ZWILCH: variants seen among roughly 807,000 people sequenced by gnomAD.
The protein encoded by ZWILCH is zwilch kinetochore protein.
ZWILCH carries 74 observed loss-of-function variants against 79.9 expected under a neutral mutation model. The observed-to-expected ratio is 0.93, with a 90% CI of 0.77 to 1.12. The LOEUF is 1.12. Among genes scored for constraint, ZWILCH ranks in the 50% most tolerant of loss-of-function variants. ZWILCH has a pLI of 0.00. For missense variants in ZWILCH, 694 were observed against 687.5 expected, an observed-to-expected ratio of 1.01 and a Z score of -0.11; for synonymous variants, 241 against 228.2, an observed-to-expected ratio of 1.06 and a Z score of -0.51.
At position 66,533,445 on chromosome 15, in the gene ZWILCH, G is replaced by A. The variant is rs117906504; in HGVS notation, c.1341+432G>A. Among the ~76,000 whole-genome samples the A allele has an allele frequency of 8.6e-3, 1,311 of 152,102 alleles. 7 individuals are homozygous for A. The highest frequency in any genetic ancestry group is 0.014 in the Middle Eastern group (4 of 294). On this transcript the variant is annotated intron_variant, in intron 14 of 18. Transcript: ENST00000307897. ...CAGGGTCATCGTTATGAACTTTGTT[G>A]TATTTTCCTAGCCCATTCAGAAACT... is the stretch of plus-strand genomic sequence containing the variant.
At chr15:66,519,614 C>T (rs34685455) in intron 5 of ZWILCH, among the ~76,000 whole-genome samples, 10,466 of 151,910 alleles carry the variant, frequency 0.069, 413 homozygotes, top group Middle Eastern at 0.11. Context: ...CCACCACGCC[C>T]GGCTAATTTT....
intron 8 of ZWILCH, among the ~76,000 whole-genome samples, chr15:66,525,324 A>G (rs1254821775): frequency 6.6e-6 from 1 of 152,226 alleles, no homozygotes; most frequent in Non-Finnish European, 1.5e-5. Context: ...GCACAAGTTC[A>G]TTTAAATGTG....
chr15:66,538,543 C>G (rs762713383), intron 16 of ZWILCH, among the ~76,000 whole-genome samples: 1 of 152,132 alleles, frequency 6.6e-6, no homozygotes, highest in South Asian at 2.1e-4. Context: ...CCACCACACC[C>G]GGCTAATTTT....
At chr15:66,505,553 G>C (rs1449049617) in intron 1 of ZWILCH, 162 bp downstream of exon 1, 1 of 738,014 alleles carries the variant, frequency 1.4e-6, no homozygotes, top group Non-Finnish European at 2.2e-6. Context: ...GCTCCGGTGT[G>C]GGGTTGACCG....
intron 14 of ZWILCH, among the ~76,000 whole-genome samples, chr15:66,535,414 G>A (rs527517198): frequency 4.6e-5 from 7 of 152,122 alleles, no homozygotes; most frequent in Non-Finnish European, 8.8e-5. Flanking sequence ...GGTGGTTTAC[G>A]CCTGTAATCC....
chr15:66,520,857 AAG>A (rs1230803341), intron 6 of ZWILCH, among the ~76,000 whole-genome samples, 191 bp from the exon 7 acceptor site: 6 of 152,204 alleles, frequency 3.9e-5, no homozygotes, highest in African/African-American at 1.4e-4. Flanking sequence ...TGTGGTTTCA[AAG>A]AATTGTCTTA....
chr15:66,514,224 C>T (rs965375942), intron 3 of ZWILCH, 141 bp downstream of exon 3: 10 of 486,750 alleles, frequency 2.1e-5, no homozygotes, highest in Admixed American at 3.8e-5. Context: ...GTAGTGCTGT[C>T]CAGTACAAAT....
chr15:66,532,867 T>A, intron 13 of ZWILCH, 118 bp from the exon 14 acceptor site: 1 of 691,004 alleles, frequency 1.4e-6, no homozygotes. Flanking sequence ...TTTATATAGA[T>A]TCCTTAATAT....
chr15:66,540,006 T>C, intron 16 of ZWILCH, 92 bp from the exon 17 acceptor site: 1 of 798,988 alleles, frequency 1.3e-6, no homozygotes, highest in Non-Finnish European at 2.0e-6. Flanking sequence ...TCAGTGCTTA[T>C]CACATGAAGA....
At chr15:66,512,144 T>C (rs1050945672) in intron 2 of ZWILCH, among the ~76,000 whole-genome samples, 5 of 152,190 alleles carry the variant, frequency 3.3e-5, no homozygotes, top group African/African-American at 1.2e-4. Flanking sequence ...AGAGCTGTGG[T>C]ACTAGACTGC....
At chr15:66,516,884 C>T (rs898205310) in intron 4 of ZWILCH, among the ~76,000 whole-genome samples, 2 of 152,096 alleles carry the variant, frequency 1.3e-5, no homozygotes, top group African/African-American at 2.4e-5. Context: ...TTTCTCCCTA[C>T]GACTTAAATG....
chr15:66,540,586 A>T (rs1366034490), intron 17 of ZWILCH, among the ~76,000 whole-genome samples: 1 of 151,112 alleles, frequency 6.6e-6, no homozygotes, highest in Non-Finnish European at 1.5e-5. Context: ...ACTAAATCTT[A>T]CTGGAATGGA....
At position 66,519,073 on chromosome 15, in the gene ZWILCH, G is replaced by A. The variant is rs139933771; in HGVS notation, c.515G>A (p.Cys172Tyr). The A allele has an allele frequency of 6.4e-4, 1,035 of 1,613,866 alleles. No individual in the cohort carries two copies. The highest frequency in any genetic ancestry group is 8.1e-4 in the Non-Finnish European group (957 of 1,179,734). ...GGAATTGTCTTATATGTGGTCAGTT[G>A]TAAAGGTGAGTGCTCTCTCTAGAGA... is the stretch of plus-strand genomic sequence containing the variant. ...ITGIVLYVVS[C>Y]KADKNYSVNL... The change falls in exon 5 of 19, where the codon TGT becomes TAT. Residue 172 changes from cysteine (C) to tyrosine (Y), a missense_variant. Physicochemically the swap from Cys to Tyr is radical, Grantham distance 194. Transcript: ENST00000307897.
At chr15:66,513,807 G>A (rs570726940) in intron 2 of ZWILCH, 181 bp from the exon 3 acceptor site, 18 of 344,068 alleles carry the variant, frequency 5.2e-5, no homozygotes, top group Non-Finnish European at 7.6e-5. Flanking sequence ...TCCTGACCTC[G>A]TGATCCACCT....
chr15:66,530,965 C>T (rs987568697), intron 12 of ZWILCH, among the ~76,000 whole-genome samples: 7 of 152,240 alleles, frequency 4.6e-5, no homozygotes, highest in African/African-American at 1.4e-4. Context: ...CCTTACTAAC[C>T]TTACCATGTA....
intron 12 of ZWILCH, among the ~76,000 whole-genome samples, chr15:66,529,955 T>C (rs1271211635): frequency 6.6e-6 from 1 of 152,236 alleles, no homozygotes; most frequent in African/African-American, 2.4e-5. Flanking sequence ...ATTTTGGTAA[T>C]GTATTGAGAT....
chr15:66,510,157 GAC>G (rs1392498850), intron 2 of ZWILCH, among the ~76,000 whole-genome samples: 1 of 148,598 alleles, frequency 6.7e-6, no homozygotes, highest in Non-Finnish European at 1.5e-5. Context: ...CAGCCTGGGC[GAC>G]AGAGTGAAAC....
chr15:66,522,876 G>GC (rs1357379905), intron 7 of ZWILCH, among the ~76,000 whole-genome samples: 2 of 152,076 alleles, frequency 1.3e-5, no homozygotes, highest in African/African-American at 4.8e-5. Flanking sequence ...AGGCTGGAGT[G>GC]CAGTGGCATA....
chr15:66,517,364 TAAC>T (rs1894303781), intron 4 of ZWILCH, among the ~76,000 whole-genome samples: 1 of 149,332 alleles, frequency 6.7e-6, no homozygotes, highest in Non-Finnish European at 1.5e-5. Context: ...CTATATATCA[TAAC>T]AATATGTTTA....
Sources: gnomAD v4.1 joint callset for allele counts (sites outside exome capture counted in the v4.1 genomes callset) on GRCh38, gnomAD v4.1.1 for gene constraint, MANE v1.5 for transcripts, NCBI Gene and HGNC (gene_info 2026-07-23, HGNC 2026-07-21) for gene names.